Variants in MAGI1 observed in about 807,000 individuals in gnomAD.
MAGI1 encodes membrane-associated guanylate kinase, WW and PDZ domain-containing protein 1.
A neutral mutation model predicts 139.9 loss-of-function variants in MAGI1; 58 were observed. The observed-to-expected ratio is 0.41, with a 90% confidence interval of 0.34 to 0.52. MAGI1 has a LOEUF of 0.52. Among genes scored for constraint, MAGI1 ranks in the 20% least tolerant of loss-of-function variants. The probability of loss-of-function intolerance (pLI) is 0.12; values close to 1 mark genes in which losing one functional copy is unlikely to be tolerated. For synonymous variants in MAGI1, 812 were observed against 737.9 expected (o/e 1.10, Z -1.63); for missense variants, 1,874 against 1,901.6 (o/e 0.99, Z 0.27).
At chr3:65,708,946 T>C (rs12635440) in intron 1 of MAGI1, among the ~76,000 whole-genome samples, 62,301 of 151,988 alleles carry the variant, frequency 0.41, 13,156 homozygotes, top group African/African-American at 0.48. Context: ...TCCCAATGCC[T>C]CACAAATTCT....
intron 1 of MAGI1, among the ~76,000 whole-genome samples, chr3:65,840,188 T>C (rs1355869863): frequency 2.6e-5 from 4 of 152,006 alleles, no homozygotes; most frequent in Non-Finnish European, 5.9e-5. Context: ...CTTTTCTCTG[T>C]AGACAAAGAT....
chr3:65,524,881 C>T (rs181071820), intron 2 of MAGI1, among the ~76,000 whole-genome samples: 2 of 152,268 alleles, frequency 1.3e-5, no homozygotes, highest in African/African-American at 4.8e-5. Flanking sequence ...AATAGGAAAA[C>T]TGGCAAAGGT....
At chr3:65,499,013 T>TA in intron 2 of MAGI1, 1 of 983,716 alleles carries the variant, frequency 1.0e-6, no homozygotes, top group Non-Finnish European at 1.2e-6. Flanking sequence ...GAAACATACT[T>TA]ACCTGAAACA....
intron 1 of MAGI1, among the ~76,000 whole-genome samples, chr3:65,732,600 T>A (rs149370371): frequency 6.6e-6 from 1 of 152,306 alleles, no homozygotes; most frequent in East Asian, 1.9e-4. Flanking sequence ...AAAACAAGAA[T>A]GTGAAGTTGA....
intron 12 of MAGI1, among the ~76,000 whole-genome samples, chr3:65,425,135 A>AAAAAAAAAAAAAC (rs1559543283): frequency 2.3e-4 from 20 of 87,762 alleles, no homozygotes; most frequent in African/African-American, 5.4e-4. Flanking sequence ...AAAAAAAACA[A>AAAAAAAAAAAAAC]AAAAAAACAC....
rs371350565 is a variant in MAGI1, at chr3:65,940,368, T to C, written c.313+97628A>G. On this transcript the variant is annotated intron_variant, in intron 1 of 22. Transcript: ENST00000402939. ...ATTTATTTCCCAGAGCTCTGGAGGC[T>C]GAAGTCTAAGATCAGGGTTCCAGCA... 2.2e-4 allele frequency among the ~76,000 whole-genome samples: 33 copies of C among 152,334 alleles called. No individual in the cohort carries two copies. The South Asian group carries it at 3.1e-3, about 14-fold the overall frequency.
intron 1 of MAGI1, chr3:65,688,387 G>A (rs2088262824): frequency 1.7e-6 from 1 of 571,482 alleles, no homozygotes; most frequent in Admixed American, 2.1e-5. Context: ...AGTCATTAGA[G>A]AAAAAGGAAA....
At chr3:65,727,471 C>T (rs1488582242) in intron 1 of MAGI1, among the ~76,000 whole-genome samples, 1 of 152,170 alleles carries the variant, frequency 6.6e-6, no homozygotes, top group Admixed American at 6.5e-5. Flanking sequence ...TTCGAGCAAT[C>T]CTCCAGCCTC....
At chr3:65,891,024 G>C (rs1183013953) in intron 1 of MAGI1, among the ~76,000 whole-genome samples, 2 of 151,926 alleles carry the variant, frequency 1.3e-5, no homozygotes. Flanking sequence ...ACCAGTCTGG[G>C]CAACACGGCA....
At chr3:65,900,978 C>T (rs1313799671) in intron 1 of MAGI1, among the ~76,000 whole-genome samples, 2 of 152,192 alleles carry the variant, frequency 1.3e-5, no homozygotes, top group Non-Finnish European at 2.9e-5. Flanking sequence ...AGAGCGCATT[C>T]AGCAGGAAAT....
At chr3:65,370,360 G>C (rs953925323) in intron 18 of MAGI1, among the ~76,000 whole-genome samples, 3 of 152,118 alleles carry the variant, frequency 2.0e-5, no homozygotes, top group African/African-American at 7.2e-5. Context: ...CTAGAGAAGA[G>C]GCTTATTATC....
chr3:65,363,451 C>T lies in MAGI1; in HGVS notation c.3495+14G>A. 6.3e-7 allele frequency: 1 copy of T among 1,598,802 alleles called. No homozygotes were observed. The highest frequency in any genetic ancestry group is 2.2e-5 in the East Asian group (1 of 44,512). ...GTTTCTTTGCACCTACCCCAGACTC[C>T]TCTCTCCACTTACCCTCATCTTTCC... On this transcript the variant is annotated intron_variant, in intron 21 of 22. Transcript: ENST00000402939.
chr3:65,908,955 T>C lies in MAGI1; in HGVS notation c.313+129041A>G, dbSNP rs2061548424. ...TCAATTTTTTAATAAAAGTCATAAA[T>C]TTATGGTTCTAAAATATAGAGAATG... On this transcript the variant is annotated intron_variant, in intron 1 of 22. Coordinates refer to ENST00000402939, the MANE Select transcript of MAGI1 (RefSeq NM_001033057.2). Among the ~76,000 whole-genome samples, 4 of 152,176 alleles carry C rather than the reference T, an allele frequency of 2.6e-5. No individual in the cohort carries two copies. The South Asian group carries it at 8.3e-4, about 32-fold the overall frequency.
chr3:65,975,844 C>G (rs998923652), intron 1 of MAGI1, among the ~76,000 whole-genome samples: 1 of 152,132 alleles, frequency 6.6e-6, no homozygotes. Context: ...TTATTTTGCA[C>G]ATTCTTCCTT....
At chr3:65,996,061 A>C (rs1349082098) in intron 1 of MAGI1, among the ~76,000 whole-genome samples, 1 of 152,002 alleles carries the variant, frequency 6.6e-6, no homozygotes, top group Non-Finnish European at 1.5e-5. Context: ...CAGAGTTCTA[A>C]GAATTTGGGT....
At chr3:65,655,278 A>T (rs999836489) in intron 1 of MAGI1, among the ~76,000 whole-genome samples, 11 of 152,198 alleles carry the variant, frequency 7.2e-5, no homozygotes, top group African/African-American at 2.7e-4. Context: ...ATTGGAAGAT[A>T]CTTTACTGTA....
At chr3:65,571,758 A>C (rs1472074128) in intron 2 of MAGI1, among the ~76,000 whole-genome samples, 3 of 151,986 alleles carry the variant, frequency 2.0e-5, no homozygotes, top group Non-Finnish European at 4.4e-5. Flanking sequence ...GTTTTGAGAG[A>C]TGTCACTGGC....
At chr3:65,509,543 C>G (rs548778945) in intron 2 of MAGI1, among the ~76,000 whole-genome samples, 3 of 152,170 alleles carry the variant, frequency 2.0e-5, no homozygotes, top group South Asian at 4.1e-4. Flanking sequence ...AAAGGGGTGA[C>G]GGACGCACCT....
intron 1 of MAGI1, among the ~76,000 whole-genome samples, chr3:65,895,861 A>T (rs2060947123): frequency 6.6e-6 from 1 of 152,240 alleles, no homozygotes; most frequent in East Asian, 1.9e-4. Context: ...ATTCAACTAT[A>T]GCAAGTAATA....
Sources: allele counts gnomAD v4.1 joint callset (sites outside exome capture counted in the v4.1 genomes callset), GRCh38; gene constraint gnomAD v4.1.1; transcripts MANE v1.5; gene names NCBI Gene and HGNC (gene_info 2026-07-23, HGNC 2026-07-21).